HPSE2: variants seen among roughly 807,000 people sequenced by gnomAD.
The protein encoded by HPSE2 is heparanase 2 (inactive), also known as inactive heparanase-2.
A neutral mutation model predicts 60.5 loss-of-function variants in HPSE2; 38 were observed. The observed-to-expected ratio is 0.63, with a 90% CI of 0.48 to 0.82. HPSE2 has a LOEUF of 0.82. Among genes scored for constraint, HPSE2 ranks in the 40% least tolerant of loss-of-function variants. The pLI, the probability that HPSE2 is intolerant of heterozygous loss-of-function variation, is 0.00. For synonymous variants in HPSE2, 295 were observed against 293.2 expected (o/e 1.01, Z -0.06); for missense variants, 713 against 740.4 (o/e 0.96, Z 0.43).
intron 3 of HPSE2, among the ~76,000 whole-genome samples, chr10:99,030,200 G>A (rs7068706): frequency 0.17 from 25,447 of 152,102 alleles, 3,222 homozygotes; most frequent in African/African-American, 0.35. Flanking sequence ...GCATATAATC[G>A]TATCTAAGAT....
intron 9 of HPSE2, among the ~76,000 whole-genome samples, chr10:98,547,261 T>G (rs1943713448): frequency 7.9e-6 from 1 of 126,376 alleles, no homozygotes; most frequent in Non-Finnish European, 1.7e-5. Flanking sequence ...TCCTCAGGGA[T>G]CTAGAACTAG....
At chr10:99,065,429 A>G (rs560211922) in intron 3 of HPSE2, among the ~76,000 whole-genome samples, 19 of 152,254 alleles carry the variant, frequency 1.2e-4, no homozygotes, top group Non-Finnish European at 2.4e-4. Flanking sequence ...GATTAGTAAA[A>G]AACAAAACAA....
intron 2 of HPSE2, among the ~76,000 whole-genome samples, chr10:99,184,383 G>C (rs557206868): frequency 6.6e-6 from 1 of 151,874 alleles, no homozygotes; most frequent in Non-Finnish European, 1.5e-5. Context: ...AAATTAGCCA[G>C]GCTTGGTGGT....
chr10:99,125,614 T>G (rs1173309904), intron 3 of HPSE2, among the ~76,000 whole-genome samples: 2 of 152,176 alleles, frequency 1.3e-5, no homozygotes, highest in Non-Finnish European at 2.9e-5. Context: ...CCACTGCAAA[T>G]TCTCCATCAC....
intron 3 of HPSE2, among the ~76,000 whole-genome samples, chr10:98,904,114 T>C (rs1953742541): frequency 6.6e-6 from 1 of 152,202 alleles, no homozygotes; most frequent in Non-Finnish European, 1.5e-5. Context: ...TAGTACACTG[T>C]GATATATCGA....
rs1240509569 is a variant in HPSE2, at chr10:98,482,687, A to G, written c.1562T>C (p.Leu521Pro). ...GGGCTGCAGCAGGTACTGGTGAACC[A>G]GCTTGTCTCTGAGAGTCCCAGCCAG... Reference protein sequence around the residue: ...IKLAGTLRDKLVHQYLLQPYG... With the variant: ...IKLAGTLRDKPVHQYLLQPYG... The change falls in exon 11 of 12, where the codon CTG becomes CCG. Residue 521 changes from leucine (L) to proline (P), a missense_variant. Coordinates refer to ENST00000370552, the MANE Select transcript of HPSE2 (RefSeq NM_021828.5). 6.2e-7 allele frequency: 1 copy of G among 1,614,192 alleles called. No individual in the cohort carries two copies. Among genetic ancestry groups the G allele is most frequent in the Non-Finnish European group, 8.5e-7 (1 of 1,180,036 alleles).
intron 2 of HPSE2, among the ~76,000 whole-genome samples, chr10:99,217,483 C>CT (rs2133922171): frequency 6.6e-6 from 1 of 152,168 alleles, no homozygotes; most frequent in Admixed American, 6.5e-5. Context: ...GATTCTTATG[C>CT]TGTGTGCATT....
At chr10:99,081,432 C>A (rs1439230886) in intron 3 of HPSE2, among the ~76,000 whole-genome samples, 1 of 152,062 alleles carries the variant, frequency 6.6e-6, no homozygotes, top group African/African-American at 2.4e-5. Flanking sequence ...TCTCAGGTGC[C>A]TCATCTGCAA....
At chr10:98,715,229 C>T (rs1948762901) in intron 5 of HPSE2, among the ~76,000 whole-genome samples, 1 of 151,656 alleles carries the variant, frequency 6.6e-6, no homozygotes, top group Admixed American at 6.6e-5. Context: ...ATCACATTTG[C>T]CTTTAGTGTT....
chr10:99,014,213 C>G (rs141305682), intron 3 of HPSE2, among the ~76,000 whole-genome samples: 147 of 152,316 alleles, frequency 9.7e-4, no homozygotes, highest in Middle Eastern at 6.8e-3. Context: ...CGCAAGCCAC[C>G]GTCCTCCCCA....
At chr10:98,465,204 C>T (rs930900245) in intron 11 of HPSE2, among the ~76,000 whole-genome samples, 1 of 152,184 alleles carries the variant, frequency 6.6e-6, no homozygotes, top group African/African-American at 2.4e-5. Context: ...AGCTTGTAAG[C>T]TTGTAAACAT....
At position 98,724,066 on chromosome 10, in the gene HPSE2, A is replaced by G. The variant is rs190539987; in HGVS notation, c.785-2238T>C. ...TTTTAATTGGGATGTTAGGGTGTCA[A>G]TTTTAGATCTTTCCTGCTTTCTCTT... On this transcript the variant is annotated intron_variant, in intron 4 of 11. Coordinates refer to ENST00000370552, the MANE Select transcript of HPSE2 (RefSeq NM_021828.5). Among the ~76,000 whole-genome samples, 466 of 149,626 alleles carry G rather than the reference A, an allele frequency of 3.1e-3. 4 individuals carry two copies. Among genetic ancestry groups the G allele is most frequent in the African/African-American group, 0.011 (451 of 40,558 alleles).
intron 9 of HPSE2, among the ~76,000 whole-genome samples, chr10:98,598,466 C>G (rs73339654): frequency 0.061 from 9,232 of 152,196 alleles, 805 homozygotes; most frequent in African/African-American, 0.19. Context: ...TCCATGACAG[C>G]CAGTCTAAGA....
rs75302353 is a variant in HPSE2, at chr10:98,928,988, T to TAATAAATAAATA, written c.611-184944_611-184933dup. Among the ~76,000 whole-genome samples, 54 of 130,956 alleles carry TAATAAATAAATA rather than the reference T, an allele frequency of 4.1e-4. 9 individuals carry two copies. Among genetic ancestry groups the TAATAAATAAATA allele is most frequent in the African/African-American group, 1.1e-3 (33 of 30,124 alleles). The allele number at this position is 130,956 out of a possible 152,430, so 85.9% of individuals were successfully genotyped here. The stretch of plus-strand genomic sequence containing the variant: ...ATGTACCCTAAAACTTAAAGTATAA[T>TAATAAATAAATA]AATAAATAAATAAATAAATAAATAA... On this transcript the variant is annotated intron_variant, in intron 3 of 11. Coordinates refer to ENST00000370552, the MANE Select transcript of HPSE2 (RefSeq NM_021828.5).
chr10:98,928,791 G>A (rs1221796434), intron 3 of HPSE2, among the ~76,000 whole-genome samples: 1 of 118,616 alleles, frequency 8.4e-6, no homozygotes, highest in Non-Finnish European at 1.6e-5. Context: ...TGAACAATGA[G>A]AACACATGGA....
chr10:98,879,852 C>CGCGT (rs1554835527), intron 3 of HPSE2, among the ~76,000 whole-genome samples: 2 of 145,676 alleles, frequency 1.4e-5, no homozygotes, highest in African/African-American at 2.5e-5. Context: ...TGTGCATGTG[C>CGCGT]GTGTGTGTGT....
chr10:98,686,107 G>A (rs2134149394), intron 6 of HPSE2, among the ~76,000 whole-genome samples: 1 of 151,934 alleles, frequency 6.6e-6, no homozygotes, highest in African/African-American at 2.4e-5. Context: ...GAAACATTCT[G>A]GTTTTGTAAA....
chr10:98,638,978 G>C (rs1174186308), intron 7 of HPSE2, among the ~76,000 whole-genome samples: 1 of 152,152 alleles, frequency 6.6e-6, no homozygotes, highest in Non-Finnish European at 1.5e-5. Flanking sequence ...AAACATTTCT[G>C]GTCTTACATG....
intron 6 of HPSE2, among the ~76,000 whole-genome samples, chr10:98,685,116 A>G (rs1285979751): frequency 1.3e-5 from 2 of 152,172 alleles, no homozygotes; most frequent in Non-Finnish European, 2.9e-5. Context: ...TTTCATAAAT[A>G]TATCAGTCTG....
Sources: allele counts gnomAD v4.1 joint callset (sites outside exome capture counted in the v4.1 genomes callset), GRCh38; gene constraint gnomAD v4.1.1; transcripts MANE v1.5; gene names NCBI Gene and HGNC (gene_info 2026-07-23, HGNC 2026-07-21).